Variants in WASHC4 observed in about 807,000 individuals in gnomAD.
WASHC4 encodes WASH complex subunit 4.
Under a neutral mutation model 166.6 loss-of-function variants are expected in WASHC4, and 86 were observed. That is an observed-to-expected ratio of 0.52 (90% CI 0.43 to 0.62). The LOEUF (loss-of-function observed/expected upper bound fraction) is 0.62. Among genes scored for constraint, WASHC4 ranks in the 20% least tolerant of loss-of-function variants. WASHC4 has a pLI of 0.00. For synonymous variants in WASHC4, 446 were observed against 451.6 expected (o/e 0.99, Z 0.16); for missense variants, 1,262 against 1,382.4 (o/e 0.91, Z 1.38).
At chr12:105,149,925 A>G (rs545956365) in intron 25 of WASHC4, among the ~76,000 whole-genome samples, 176 bp downstream of exon 25, 4 of 152,334 alleles carry the variant, frequency 2.6e-5, no homozygotes, top group Non-Finnish European at 5.9e-5. Context: ...TCATAAATGT[A>G]GCCAGGTGAT....
chr12:105,166,119 G>A (rs569588953), intron 32 of WASHC4, among the ~76,000 whole-genome samples: 1 of 152,306 alleles, frequency 6.6e-6, no homozygotes, highest in South Asian at 2.1e-4. Context: ...ATGGCAGTGG[G>A]ATTCCTTGCT....
chr12:105,163,992 A>G, intron 30 of WASHC4, 119 bp from the exon 31 acceptor site: 1 of 931,582 alleles, frequency 1.1e-6, no homozygotes, highest in Admixed American at 2.2e-5. Flanking sequence ...AAACGGGACA[A>G]ACTTAAAATG....
chr12:105,108,687 CATAGT>C (rs531315034), intron 1 of WASHC4, among the ~76,000 whole-genome samples: 37 of 152,122 alleles, frequency 2.4e-4, no homozygotes, highest in African/African-American at 8.2e-4. Context: ...TATCTTTGGT[CATAGT>C]AATCTGTGTA....
intron 13 of WASHC4, among the ~76,000 whole-genome samples, chr12:105,129,881 C>T (rs1881639535): frequency 6.6e-6 from 1 of 152,184 alleles, no homozygotes; most frequent in South Asian, 2.1e-4. Context: ...ATGCTAATAG[C>T]TTTAAACATA....
intron 8 of WASHC4, 46 bp downstream of exon 8, chr12:105,120,643 AT>A: frequency 1.5e-6 from 2 of 1,366,198 alleles, no homozygotes; most frequent in Non-Finnish European, 2.1e-6. Flanking sequence ...TTATTACTAT[AT>A]TTTACTTTGG....
Position 105,126,128 on chromosome 12 carries a change from G to A in WASHC4, c.910+1G>A, listed in dbSNP as rs1566002209. ...TTTGCAAATGTAGAAGCCAAACTTG[G>A]TAATGTAAATCGCATTTTTTGGTTT... On this transcript the variant is annotated splice_donor_variant, in intron 11 of 32. Transcript: ENST00000332180. LOFTEE classifies it high-confidence loss of function. The A allele has an allele frequency of 6.2e-7, 1 of 1,612,760 alleles. No homozygotes were observed. Among genetic ancestry groups the A allele is most frequent in the Non-Finnish European group, 8.5e-7 (1 of 1,179,292 alleles).
intron 26 of WASHC4, among the ~76,000 whole-genome samples, chr12:105,153,474 A>C (rs970084182): frequency 2.0e-5 from 3 of 152,254 alleles, no homozygotes; most frequent in African/African-American, 7.2e-5. Flanking sequence ...ATTATAAACC[A>C]TTCAATATTA....
At chr12:105,160,267 A>T in intron 29 of WASHC4, 119 bp downstream of exon 29, 2 of 822,944 alleles carry the variant, frequency 2.4e-6, no homozygotes, top group South Asian at 3.1e-5. Flanking sequence ...CTGGTTGCAT[A>T]TAAAACTAAA....
At chr12:105,139,425 G>GTGTATATATATATATATATATATA in intron 15 of WASHC4, among the ~76,000 whole-genome samples, 1 of 103,188 alleles carries the variant, frequency 9.7e-6, no homozygotes, top group Non-Finnish European at 2.0e-5. Flanking sequence ...ATGTGTGTGT[G>GTGTATATATATATATATATATATA]TATATATATA....
At chr12:105,118,750 A>G (rs1056380296) in intron 7 of WASHC4, among the ~76,000 whole-genome samples, 1 of 152,206 alleles carries the variant, frequency 6.6e-6, no homozygotes, top group Non-Finnish European at 1.5e-5. Flanking sequence ...TCTACAGAAC[A>G]ATCTTCAAGA....
At chr12:105,150,195 A>G (rs992124744) in intron 25 of WASHC4, among the ~76,000 whole-genome samples, 1 of 152,252 alleles carries the variant, frequency 6.6e-6, no homozygotes, top group Non-Finnish European at 1.5e-5. Context: ...CACTGTGCTC[A>G]TCACGTCAGT....
At chr12:105,134,638 CTA>C (rs1238045929) in intron 14 of WASHC4, among the ~76,000 whole-genome samples, 1 of 152,004 alleles carries the variant, frequency 6.6e-6, no homozygotes, top group African/African-American at 2.4e-5. Flanking sequence ...GTGATATTAA[CTA>C]TAACTGTTTT....
At position 105,157,160 on chromosome 12, in the gene WASHC4, A is replaced by T. The variant is rs999766689; in HGVS notation, c.2826-76A>T. The T allele has an allele frequency of 3.9e-6, 3 of 774,348 alleles. No individual in the cohort carries two copies. The African/African-American group carries it at 5.1e-5, about 13-fold the overall frequency. 48.0% of individuals were successfully genotyped at this position (774,348 alleles called of 1,614,324 possible). On this transcript the variant is annotated intron_variant, in intron 27 of 32. Coordinates refer to ENST00000332180, the MANE Select transcript of WASHC4 (RefSeq NM_015275.3). ...ATAGTTGAAAATTTTAGAGTCCTGC[A>T]GTACCACTTTTATATCTGTGTCAAT...
rs759255669 is a variant in WASHC4 at position 105,164,237 on chromosome 12, C to T, written c.3284C>T (p.Ser1095Leu). The T allele has an allele frequency of 1.2e-6, 2 of 1,613,900 alleles. No individual in the cohort carries two copies. Among genetic ancestry groups the T allele is most frequent in the Admixed American group, 1.7e-5 (1 of 59,996 alleles). The change falls in exon 31 of 33, where the codon TCA (serine) becomes TTA (leucine). Residue 1095 changes from serine to leucine, a missense_variant. Coordinates refer to ENST00000332180, the MANE Select transcript of WASHC4 (RefSeq NM_015275.3). The part of the protein sequence containing the change: ...RAVAKQQNVQ[S>L]ASQDEKLLQT... ...GTTGCTAAGCAACAGAATGTACAGT[C>T]AGCCAGTCAAGATGAAAAACTCTTA...
intron 10 of WASHC4, among the ~76,000 whole-genome samples, chr12:105,124,482 G>T (rs764877223): frequency 2.0e-5 from 3 of 148,484 alleles, no homozygotes; most frequent in Non-Finnish European, 4.5e-5. Flanking sequence ...GTTTTTTTTG[G>T]TTTTGTTTTT....
At chr12:105,143,909 C>T (rs1180051911) in intron 20 of WASHC4, among the ~76,000 whole-genome samples, 11 of 151,578 alleles carry the variant, frequency 7.3e-5, no homozygotes, top group African/African-American at 2.7e-4. Flanking sequence ...CTTGGTAGAC[C>T]AGAAAAGATG....
At chr12:105,127,689 A>T (rs1881417250) in intron 13 of WASHC4, among the ~76,000 whole-genome samples, 1 of 151,852 alleles carries the variant, frequency 6.6e-6, no homozygotes, top group South Asian at 2.1e-4. Flanking sequence ...CCTTCTTTTT[A>T]TTTTTATGAA....
At position 105,110,725 on chromosome 12, in the gene WASHC4, G is replaced by T. The variant is rs191346143; in HGVS notation, c.62-400G>T. On this transcript the variant is annotated intron_variant, in intron 1 of 32. Coordinates refer to ENST00000332180, the MANE Select transcript of WASHC4 (RefSeq NM_015275.3). ...TTAAGTGTTACTTCTGTGACAGACTGTTTTTTTCACCTTCAGATCATGAAT... is the reference window on the plus strand; with the variant it reads ...TTAAGTGTTACTTCTGTGACAGACTTTTTTTTTCACCTTCAGATCATGAAT... 5.9e-3 allele frequency among the ~76,000 whole-genome samples: 900 copies of T among 152,182 alleles called. 5 individuals are homozygous for T. The highest frequency in any genetic ancestry group is 0.014 in the Middle Eastern group (4 of 294).
intron 8 of WASHC4, 69 bp from the exon 9 acceptor site, chr12:105,121,032 T>G: frequency 1.9e-6 from 2 of 1,026,590 alleles, no homozygotes; most frequent in South Asian, 2.6e-5. Context: ...TGATTTTACT[T>G]TAAACGTCTA....
Sources: allele counts gnomAD v4.1 joint callset (sites outside exome capture counted in the v4.1 genomes callset), GRCh38; gene constraint gnomAD v4.1.1; transcripts MANE v1.5; gene names NCBI Gene and HGNC (gene_info 2026-07-23, HGNC 2026-07-21).